Variants in KLF12 observed in about 807,000 individuals in gnomAD.
KLF12 encodes the protein Krueppel-like factor 12.
KLF12 carries 9 observed loss-of-function variants against 37.8 expected under a neutral mutation model. The ratio of observed to expected loss-of-function variants is 0.24; its 90% CI spans 0.14 to 0.42. The LOEUF (loss-of-function observed/expected upper bound fraction) is 0.42. Among genes scored for constraint, KLF12 ranks in the 10% least tolerant of loss-of-function variants. The pLI, the probability that KLF12 is intolerant of heterozygous loss-of-function variation, is 1.00. For missense variants in KLF12, 411 were observed against 516.0 expected, an observed-to-expected ratio of 0.80 and a Z score of 1.97; for synonymous variants, 208 against 202.1, an observed-to-expected ratio of 1.03 and a Z score of -0.25.
At chr13:73,968,285 C>T (rs1257996934) in intron 2 of KLF12, among the ~76,000 whole-genome samples, 3 of 152,168 alleles carry the variant, frequency 2.0e-5, no homozygotes, top group Non-Finnish European at 4.4e-5. Flanking sequence ...AATATAAGCA[C>T]ACAACATGCT....
chr13:74,136,939 T>A (rs964023152), upstream of KLF12, among the ~76,000 whole-genome samples: 1 of 152,218 alleles, frequency 6.6e-6, no homozygotes, highest in African/African-American at 2.4e-5. Flanking sequence ...CACTTCATTG[T>A]GTGGACTTGG....
intron 2 of KLF12, among the ~76,000 whole-genome samples, chr13:73,983,457 G>A (rs1012362005): frequency 6.6e-6 from 1 of 152,150 alleles, no homozygotes; most frequent in African/African-American, 2.4e-5. Context: ...CTTATCGGGT[G>A]TTCTCCAGCA....
chr13:74,218,948 T>G, the KLF12 span, among the ~76,000 whole-genome samples: 10 of 128,506 alleles, frequency 7.8e-5, no homozygotes, highest in Non-Finnish European at 1.2e-4. Context: ...GGATGTAAAC[T>G]TATAAAAATA....
At chr13:74,012,182 T>C (rs963311168) in intron 1 of KLF12, among the ~76,000 whole-genome samples, 1 of 152,242 alleles carries the variant, frequency 6.6e-6, no homozygotes, top group East Asian at 1.9e-4. Flanking sequence ...ATGTATTTGA[T>C]GCTTCTTGGT....
intron 5 of KLF12, among the ~76,000 whole-genome samples, chr13:73,777,393 C>T (rs920433987): frequency 1.1e-4 from 17 of 152,126 alleles, no homozygotes; most frequent in African/African-American, 4.1e-4. Flanking sequence ...AGATGAATAA[C>T]ATACAAGATA....
At chr13:73,716,602 G>C (rs1334557374) in intron 6 of KLF12, among the ~76,000 whole-genome samples, 1 of 152,050 alleles carries the variant, frequency 6.6e-6, no homozygotes, top group Non-Finnish European at 1.5e-5. Context: ...CCTCTATCCT[G>C]AGTTTTCTTT....
intron 6 of KLF12, among the ~76,000 whole-genome samples, chr13:73,746,791 C>T (rs1039361032): frequency 1.3e-5 from 2 of 149,490 alleles, no homozygotes; most frequent in Non-Finnish European, 3.0e-5. Flanking sequence ...CAGTTTAAAG[C>T]CATGCCCCTC....
At chr13:74,150,401 G>A in the KLF12 span, among the ~76,000 whole-genome samples, 1 of 152,154 alleles carries the variant, frequency 6.6e-6, no homozygotes, top group African/African-American at 2.4e-5. Flanking sequence ...CCATCAACTG[G>A]AACACATTTC....
rs567294706 is a variant in KLF12 at position 73,971,800 on chromosome 13, C to A, written c.33+23190G>T. ...ATACTACCACTTTGGGAGGCTAAGG[C>A]AGAAGGATCATTTGTGACCAGAAGT... On this transcript the variant is annotated intron_variant, in intron 2 of 7. Coordinates refer to ENST00000377669, the MANE Select transcript of KLF12 (RefSeq NM_007249.5). 8.8e-4 allele frequency among the ~76,000 whole-genome samples: 134 copies of A among 152,268 alleles called. 1 individual carries two copies. Among genetic ancestry groups the A allele is most frequent in the African/African-American group, 3.2e-3 (131 of 41,554 alleles).
intron 1 of KLF12, among the ~76,000 whole-genome samples, chr13:74,016,027 T>C (rs1379897434): frequency 2.0e-5 from 3 of 152,126 alleles, no homozygotes; most frequent in African/African-American, 7.2e-5. Flanking sequence ...AATAAGTATG[T>C]CTATTGGAAT....
chr13:73,734,919 C>T (rs1877338301), intron 6 of KLF12, among the ~76,000 whole-genome samples: 1 of 152,018 alleles, frequency 6.6e-6, no homozygotes, highest in Admixed American at 6.6e-5. Context: ...TTGCTTATTC[C>T]ACACACCATT....
intron 3 of KLF12, among the ~76,000 whole-genome samples, chr13:73,859,111 A>AG (rs1206067781): frequency 4.6e-5 from 7 of 152,152 alleles, no homozygotes; most frequent in African/African-American, 1.4e-4. Context: ...CTCTGTCATT[A>AG]GGTCTTTTCT....
chr13:74,127,945 C>A (rs1157473413), intron 1 of KLF12, among the ~76,000 whole-genome samples: 1 of 152,096 alleles, frequency 6.6e-6, no homozygotes, highest in Admixed American at 6.5e-5. Context: ...TTTAATAATT[C>A]TATTTTTAAA....
intron 3 of KLF12, among the ~76,000 whole-genome samples, chr13:73,941,058 A>G (rs1221167021): frequency 6.6e-6 from 1 of 152,220 alleles, no homozygotes. Flanking sequence ...TGAGATAAAT[A>G]CCAACTTTTC....
chr13:74,076,758 C>T (rs144983433), intron 1 of KLF12, among the ~76,000 whole-genome samples: 3,337 of 152,234 alleles, frequency 0.022, 126 homozygotes, highest in African/African-American at 0.071. Context: ...TTAAGCCCAG[C>T]ACCCAATAGT....
intron 3 of KLF12, among the ~76,000 whole-genome samples, chr13:73,914,724 C>T (rs1263688188): frequency 2.6e-5 from 4 of 152,050 alleles, no homozygotes; most frequent in South Asian, 2.1e-4. Context: ...TCATCTGTTA[C>T]GTTAGCAAAA....
At chr13:73,752,515 AC>A (rs899826508) in intron 6 of KLF12, among the ~76,000 whole-genome samples, 53 of 152,150 alleles carry the variant, frequency 3.5e-4, no homozygotes, top group African/African-American at 1.1e-3. Context: ...CCCAACCACA[AC>A]CACCAGTTGC....
At chr13:73,863,782 A>G (rs1340068404) in intron 3 of KLF12, among the ~76,000 whole-genome samples, 1 of 152,058 alleles carries the variant, frequency 6.6e-6, no homozygotes, top group East Asian at 1.9e-4. Flanking sequence ...AGGAATTCAA[A>G]CTTTTGGTAG....
intron 6 of KLF12, among the ~76,000 whole-genome samples, chr13:73,724,125 A>C (rs11838624): frequency 0.15 from 23,177 of 152,222 alleles, 2,905 homozygotes; most frequent in African/African-American, 0.35. Flanking sequence ...ACAATAGCAG[A>C]GACTTGGAAC....
Sources: allele counts gnomAD v4.1 joint callset (sites outside exome capture counted in the v4.1 genomes callset), GRCh38; gene constraint gnomAD v4.1.1; transcripts MANE v1.5; gene names NCBI Gene and HGNC (gene_info 2026-07-23, HGNC 2026-07-21).